The following KITLG variants were observed in gnomAD, a reference collection of about 807,000 sequenced individuals.
KITLG encodes the protein c-Kit ligand.
KITLG carries 13 observed loss-of-function variants against 34.1 expected under a neutral mutation model. The ratio of observed to expected loss-of-function variants is 0.38; its 90% CI spans 0.25 to 0.61. The LOEUF (loss-of-function observed/expected upper bound fraction) is 0.61, where lower values mean the gene tolerates loss of function less well. KITLG is among the 20% of genes least tolerant of loss of function. KITLG has a pLI of 0.60. For missense variants in KITLG, 292 were observed against 318.9 expected (o/e 0.92, Z 0.64); for synonymous variants, 110 against 104.0 (o/e 1.06, Z -0.35).
At chr12:88,535,130 A>C (rs2120886045) in intron 2 of KITLG, among the ~76,000 whole-genome samples, 1 of 152,302 alleles carries the variant, frequency 6.6e-6, no homozygotes, top group South Asian at 2.1e-4. Flanking sequence ...ATATGTCTAA[A>C]AAGCAAAGAA....
intron 3 of KITLG, among the ~76,000 whole-genome samples, chr12:88,519,854 C>T (rs1472805738): frequency 6.6e-6 from 1 of 152,010 alleles, no homozygotes; most frequent in Non-Finnish European, 1.5e-5. Flanking sequence ...GAACTCCTGG[C>T]CTCAAGCAAT....
chr12:88,560,805 T>C (rs1467648500), intron 1 of KITLG, among the ~76,000 whole-genome samples: 1 of 151,300 alleles, frequency 6.6e-6, no homozygotes, highest in South Asian at 2.1e-4. Flanking sequence ...CCGTCTCTAC[T>C]AAAAATAAAA....
chr12:88,503,187 G>A (rs1271095284), intron 9 of KITLG, among the ~76,000 whole-genome samples: 6 of 152,184 alleles, frequency 3.9e-5, no homozygotes, highest in African/African-American at 1.4e-4. Flanking sequence ...AAGTATTACA[G>A]TGTTAGAGAA....
intron 1 of KITLG, among the ~76,000 whole-genome samples, chr12:88,578,744 A>T (rs550181429): frequency 6.6e-6 from 1 of 152,250 alleles, no homozygotes; most frequent in South Asian, 2.1e-4. Context: ...CTTTTCCTGA[A>T]CTAGAAGGTA....
intron 6 of KITLG, among the ~76,000 whole-genome samples, chr12:88,508,841 A>G (rs1459825387): frequency 1.3e-5 from 2 of 152,214 alleles, no homozygotes; most frequent in African/African-American, 2.4e-5. Flanking sequence ...TATCATTACA[A>G]TAACAGAGCT....
intron 8 of KITLG, among the ~76,000 whole-genome samples, chr12:88,505,879 C>T (rs1042479409): frequency 2.6e-5 from 4 of 152,092 alleles, no homozygotes; most frequent in South Asian, 4.1e-4. Flanking sequence ...CTCATGAGAT[C>T]ATAAAGATGT....
chr12:88,561,833 C>T (rs1254956710), intron 1 of KITLG, among the ~76,000 whole-genome samples: 2 of 152,146 alleles, frequency 1.3e-5, no homozygotes, highest in African/African-American at 4.8e-5. Context: ...CTTGCTGCTG[C>T]CAGTTTTCTC....
intron 1 of KITLG, among the ~76,000 whole-genome samples, chr12:88,555,559 G>A (rs1467983894): frequency 6.6e-6 from 1 of 152,128 alleles, no homozygotes; most frequent in East Asian, 1.9e-4. Flanking sequence ...AAAGGGTCAT[G>A]TTACAGAAGG....
intron 1 of KITLG, among the ~76,000 whole-genome samples, chr12:88,552,805 T>A (rs1389147662): frequency 6.6e-6 from 1 of 151,744 alleles, no homozygotes; most frequent in African/African-American, 2.4e-5. Flanking sequence ...AGAACATGGA[T>A]CCAGAAAACC....
Position 88,515,576 on chromosome 12 carries a change from C to T in KITLG, c.562G>A (p.Val188Ile), listed in dbSNP as rs1353125069. ...SVTKPFMLPP[V>I]AASSLRNDSS... ...TCATTCCTAAGGGAGCTGGCTGCAA[C>T]AGGGGGTAACATAAATGGTTTTGTG... Residue 188 changes from valine (V) to isoleucine (I), a missense_variant, in exon 6 of 10, where the codon GTT (valine) becomes ATT (isoleucine). Physicochemically the swap from Val to Ile is conservative, Grantham distance 29. Transcript: ENST00000644744. 2 of 1,611,006 alleles carry T rather than the reference C, an allele frequency of 1.2e-6. No individual in the cohort carries two copies. The highest frequency in any genetic ancestry group is 4.5e-5 in the East Asian group (2 of 44,754).
At chr12:88,573,818 G>A (rs1221591710) in intron 1 of KITLG, among the ~76,000 whole-genome samples, 3 of 152,162 alleles carry the variant, frequency 2.0e-5, no homozygotes, top group Non-Finnish European at 2.9e-5. Context: ...ATGAGTTTGC[G>A]GTGGTCCTTT....
At chr12:88,536,456 A>G (rs1870320307) in intron 2 of KITLG, among the ~76,000 whole-genome samples, 1 of 152,158 alleles carries the variant, frequency 6.6e-6, no homozygotes, top group South Asian at 2.1e-4. Context: ...AACCAGAAAT[A>G]CCATTTGACC....
intron 1 of KITLG, among the ~76,000 whole-genome samples, chr12:88,571,079 G>C (rs1871635449): frequency 6.6e-6 from 1 of 152,170 alleles, no homozygotes; most frequent in African/African-American, 2.4e-5. Context: ...AGAGAGTTAA[G>C]CTATTAGTCT....
intron 3 of KITLG, among the ~76,000 whole-genome samples, chr12:88,523,129 C>T (rs544279996): frequency 1.3e-5 from 2 of 152,314 alleles, no homozygotes; most frequent in African/African-American, 2.4e-5. Flanking sequence ...TAGACGTATG[C>T]ATGCCTAGGG....
chr12:88,505,039 C>A (rs1395692871), intron 9 of KITLG, 120 bp downstream of exon 9: 3 of 567,820 alleles, frequency 5.3e-6, no homozygotes, highest in African/African-American at 3.9e-5. Context: ...TTAATGGGTG[C>A]AGCACACCAA....
chr12:88,538,871 A>T (rs1002712375), intron 2 of KITLG, among the ~76,000 whole-genome samples: 45 of 152,182 alleles, frequency 3.0e-4, no homozygotes, highest in African/African-American at 9.9e-4. Context: ...GTAAAATAAA[A>T]AACTGCAAAA....
chr12:88,574,307 A>G (rs1319838655), intron 1 of KITLG, among the ~76,000 whole-genome samples: 1 of 152,048 alleles, frequency 6.6e-6, no homozygotes, highest in Non-Finnish European at 1.5e-5. Context: ...AAAAAAAGAA[A>G]AAAAGAAAAG....
intron 1 of KITLG, among the ~76,000 whole-genome samples, chr12:88,565,416 A>C (rs1398360757): frequency 6.6e-6 from 1 of 152,122 alleles, no homozygotes; most frequent in Non-Finnish European, 1.5e-5. Context: ...CACGAGATCA[A>C]GAGATCGAGA....
intron 1 of KITLG, among the ~76,000 whole-genome samples, chr12:88,566,728 G>T (rs112738150): frequency 1.3e-5 from 2 of 152,146 alleles, no homozygotes; most frequent in Admixed American, 1.3e-4. Context: ...TGTGCTGAGG[G>T]TTTGGACTTT....
Sources: gnomAD v4.1 joint callset for allele counts (sites outside exome capture counted in the v4.1 genomes callset) on GRCh38, gnomAD v4.1.1 for gene constraint, MANE v1.5 for transcripts, NCBI Gene and HGNC (gene_info 2026-07-23, HGNC 2026-07-21) for gene names.